CDH10: variants seen among roughly 807,000 people sequenced by gnomAD.
CDH10 encodes cadherin-10.
Under a neutral mutation model 73.1 loss-of-function variants are expected in CDH10, and 30 were observed. The ratio of observed to expected loss-of-function variants is 0.41; its 90% CI spans 0.31 to 0.56. CDH10 has a LOEUF of 0.56. Among genes scored for constraint, CDH10 ranks in the 20% least tolerant of loss-of-function variants. CDH10 has a pLI of 0.27. For missense variants in CDH10, 815 were observed against 973.7 expected (o/e 0.84, Z 2.17); for synonymous variants, 345 against 348.2 (o/e 0.99, Z 0.10).
chr5:24,624,419 A>G (rs1319395203), intron 1 of CDH10, among the ~76,000 whole-genome samples: 1 of 152,118 alleles, frequency 6.6e-6, no homozygotes, highest in East Asian at 1.9e-4. Context: ...ACATGTACTA[A>G]GAGATAGGAA....
chr5:24,516,674 T>C (rs765340003), intron 5 of CDH10, among the ~76,000 whole-genome samples: 7 of 151,996 alleles, frequency 4.6e-5, no homozygotes, highest in African/African-American at 9.7e-5. Flanking sequence ...CCTTCTAGAT[T>C]CAGCCATTGG....
chr5:24,623,368 A>G (rs149380556), intron 1 of CDH10, among the ~76,000 whole-genome samples: 432 of 152,322 alleles, frequency 2.8e-3, no homozygotes, highest in South Asian at 8.3e-3. Context: ...TAATAACAAT[A>G]TATCACTGAA....
chr5:24,596,811 T>C (rs774150068), intron 1 of CDH10, among the ~76,000 whole-genome samples: 2 of 151,992 alleles, frequency 1.3e-5, no homozygotes, highest in Admixed American at 6.6e-5. Flanking sequence ...TATCAGTATA[T>C]GTCTCTTTAA....
intron 2 of CDH10, among the ~76,000 whole-genome samples, chr5:24,586,341 G>T (rs190432234): frequency 6.6e-6 from 1 of 151,424 alleles, no homozygotes; most frequent in Admixed American, 6.6e-5. Flanking sequence ...TCTAAAGAGA[G>T]AAGCAAAGGT....
intron 9 of CDH10, among the ~76,000 whole-genome samples, chr5:24,493,345 G>A (rs1423214360): frequency 6.6e-6 from 1 of 151,782 alleles, no homozygotes; most frequent in Non-Finnish European, 1.5e-5. Flanking sequence ...GATTTTATAG[G>A]TAATGTTATA....
chr5:24,619,739 C>G (rs1205091220), intron 1 of CDH10, among the ~76,000 whole-genome samples: 1 of 152,050 alleles, frequency 6.6e-6, no homozygotes, highest in African/African-American at 2.4e-5. Flanking sequence ...AAGGAAGAGT[C>G]TAGGAGATGA....
At chr5:24,539,825 T>C (rs968281289) in intron 2 of CDH10, among the ~76,000 whole-genome samples, 1 of 152,196 alleles carries the variant, frequency 6.6e-6, no homozygotes. Context: ...ATGTACATAG[T>C]TGCTGGGAAA....
At position 24,535,205 on chromosome 5, in the gene CDH10, CT is replaced by C; in HGVS notation, c.720del (p.Asp241ThrfsTer15). 6.2e-7 allele frequency: 1 copy of C among 1,613,500 alleles called. No homozygotes were observed. Among genetic ancestry groups the C allele is most frequent in the Non-Finnish European group, 8.5e-7 (1 of 1,179,682 alleles). Reference sequence around the variant, plus strand: ...AAGCCTCCCATCTGGCCGCCCATGTCTTTGGCCTGGATGACCACTTGGTATT... The same window carrying C: ...AAGCCTCCCATCTGGCCGCCCATGTCTTGGCCTGGATGACCACTTGGTATT... Reference protein sequence around the residue: ...REQYQVVIQAKDMGGQMGGLS... With the variant: ...REQYQVVIQAXDMGGQMGGLS... On this transcript the variant is annotated frameshift_variant, in exon 5 of 12. Transcript: ENST00000264463. LOFTEE classifies it high-confidence loss of function.
chr5:24,512,066 A>T (rs113429719), intron 5 of CDH10, among the ~76,000 whole-genome samples: 1,934 of 152,272 alleles, frequency 0.013, 25 homozygotes, highest in Non-Finnish European at 0.019. Context: ...TATGAAATAT[A>T]TATCTGTACA....
At chr5:24,608,638 T>C (rs1219912950) in intron 1 of CDH10, among the ~76,000 whole-genome samples, 1 of 152,206 alleles carries the variant, frequency 6.6e-6, no homozygotes, top group Non-Finnish European at 1.5e-5. Context: ...AAAGTAGTAG[T>C]AAAAATTACA....
intron 2 of CDH10, among the ~76,000 whole-genome samples, chr5:24,568,891 C>T (rs1745262057): frequency 6.6e-6 from 1 of 152,016 alleles, no homozygotes; most frequent in South Asian, 2.1e-4. Flanking sequence ...GTGGGTGGAT[C>T]ACGAGGTCAG....
chr5:24,619,867 C>T (rs189116664), intron 1 of CDH10, among the ~76,000 whole-genome samples: 1 of 152,124 alleles, frequency 6.6e-6, no homozygotes, highest in Non-Finnish European at 1.5e-5. Flanking sequence ...GAGGGCCTCG[C>T]CGTATACTGA....
At chr5:24,584,896 G>A (rs1173396456) in intron 2 of CDH10, among the ~76,000 whole-genome samples, 1 of 151,544 alleles carries the variant, frequency 6.6e-6, no homozygotes, top group African/African-American at 2.4e-5. Flanking sequence ...ATCCAGGCTG[G>A]AGTGCAGTGG....
At chr5:24,607,879 A>G (rs1746813518) in intron 1 of CDH10, among the ~76,000 whole-genome samples, 2 of 152,194 alleles carry the variant, frequency 1.3e-5, no homozygotes, top group African/African-American at 4.8e-5. Context: ...CTGGTGATTA[A>G]ACATTATTAA....
At chr5:24,595,963 A>G (rs969700604) in intron 1 of CDH10, among the ~76,000 whole-genome samples, 2 of 152,034 alleles carry the variant, frequency 1.3e-5, no homozygotes, top group South Asian at 4.1e-4. Flanking sequence ...CAATTATTTA[A>G]TGATAAATGT....
chr5:24,625,188 C>T lies in CDH10; in HGVS notation c.-124+19406G>A, dbSNP rs1325986685. Among the ~76,000 whole-genome samples the T allele has an allele frequency of 1.8e-4, 28 of 152,052 alleles. 2 individuals are homozygous for T. The highest frequency in any genetic ancestry group is 7.4e-5 in the Non-Finnish European group (5 of 67,986). On this transcript the variant is annotated intron_variant, in intron 1 of 11. Coordinates refer to ENST00000264463, the MANE Select transcript of CDH10 (RefSeq NM_006727.5). ...ATAAAAGGTTTAGATAAAAAACATG[C>T]AATAAATCAATTCCAGACTATTAAA...
At chr5:24,575,360 A>C (rs1388322149) in intron 2 of CDH10, among the ~76,000 whole-genome samples, 45 of 149,596 alleles carry the variant, frequency 3.0e-4, no homozygotes, top group Non-Finnish European at 4.9e-4. Context: ...AACAACAAAA[A>C]AAAAAAAAAA....
At chr5:24,533,657 T>C (rs952725859) in intron 5 of CDH10, among the ~76,000 whole-genome samples, 3 of 152,100 alleles carry the variant, frequency 2.0e-5, no homozygotes. Flanking sequence ...ATTCTCCTGG[T>C]AAAAGGCTCG....
chr5:24,608,560 G>A (rs1746841854), intron 1 of CDH10, among the ~76,000 whole-genome samples: 1 of 152,138 alleles, frequency 6.6e-6, no homozygotes, highest in Admixed American at 6.6e-5. Flanking sequence ...CAAAGTGCCA[G>A]AATTACAGGC....
Sources: gnomAD v4.1 joint callset for allele counts (sites outside exome capture counted in the v4.1 genomes callset) on GRCh38, gnomAD v4.1.1 for gene constraint, MANE v1.5 for transcripts, NCBI Gene and HGNC (gene_info 2026-07-23, HGNC 2026-07-21) for gene names.